MYH11: variants seen among roughly 807,000 people sequenced by gnomAD.
The protein encoded by MYH11 is myosin heavy chain 11.
In MYH11, 80 loss-of-function variants were observed where a neutral mutation model predicts 246.6. The ratio of observed to expected loss-of-function variants is 0.32; its 90% CI spans 0.27 to 0.39. The LOEUF (loss-of-function observed/expected upper bound fraction) is 0.39. Among genes scored for constraint, MYH11 ranks in the 10% least tolerant of loss-of-function variants. The pLI, the probability that MYH11 is intolerant of heterozygous loss-of-function variation, is 1.00. For synonymous variants in MYH11, 1,071 were observed against 1,015.5 expected (o/e 1.05, Z -1.04); for missense variants, 2,158 against 2,546.8 (o/e 0.85, Z 3.29).
intron 4 of MYH11, among the ~76,000 whole-genome samples, chr16:15,797,932 G>T (rs529332332): frequency 4.5e-4 from 69 of 151,966 alleles, no homozygotes; most frequent in African/African-American, 1.6e-3. Flanking sequence ...GCTCCCTTCG[G>T]CAGCACACAT....
rs376565831 is a variant in MYH11, at chr16:15,720,144, C to A, written c.4953+7G>T. 13 of 1,614,122 alleles carry A rather than the reference C, an allele frequency of 8.1e-6. No individual in the cohort carries two copies. Among genetic ancestry groups the A allele is most frequent in the Non-Finnish European group, 8.5e-6 (10 of 1,180,022 alleles). ...CACCCATGCCCCAAGCTCCTAGTGT[C>A]ACCCACCTGCAGTTTGCGTAGCTGC... On this transcript the variant is annotated splice_region_variant and intron_variant, in intron 34 of 40. Transcript: ENST00000300036.
intron 3 of MYH11, among the ~76,000 whole-genome samples, chr16:15,816,465 G>A (rs2043265825): frequency 6.6e-6 from 1 of 152,060 alleles, no homozygotes; most frequent in Admixed American, 6.6e-5. Flanking sequence ...CATACAGAAA[G>A]AAGAAAAATA....
At chr16:15,823,757 C>A (rs1296806023) in intron 2 of MYH11, among the ~76,000 whole-genome samples, 1 of 152,066 alleles carries the variant, frequency 6.6e-6, no homozygotes, top group East Asian at 1.9e-4. Flanking sequence ...TCCTGAGTAG[C>A]CAGGACTACA....
chr16:15,852,940 A>C (rs1047568124), intron 1 of MYH11, among the ~76,000 whole-genome samples: 1 of 152,154 alleles, frequency 6.6e-6, no homozygotes, highest in African/African-American at 2.4e-5. Flanking sequence ...ACACATCTGA[A>C]TATGTCAGCC....
intron 1 of MYH11, among the ~76,000 whole-genome samples, chr16:15,839,693 C>A (rs34518997): frequency 0.043 from 6,232 of 143,326 alleles, 148 homozygotes; most frequent in African/African-American, 0.066. Context: ...GACTCTGTCT[C>A]GAAAAAAAAA....
rs963160081 is a variant in MYH11, at chr16:15,816,527, T to C, written c.502+6728A>G. 8.5e-5 allele frequency among the ~76,000 whole-genome samples: 13 copies of C among 152,252 alleles called. 1 individual carries two copies. The East Asian group carries it at 1.2e-3, about 14-fold the overall frequency. On this transcript the variant is annotated intron_variant, in intron 3 of 40. Transcript: ENST00000300036. ...TTGAATAACATCTACATAATCATAA[T>C]AATGTAAACTCTAGATAGCATTACA...
At chr16:15,774,331 T>C (rs1478946323) in intron 8 of MYH11, among the ~76,000 whole-genome samples, 2 of 152,240 alleles carry the variant, frequency 1.3e-5, no homozygotes, top group African/African-American at 4.8e-5. Flanking sequence ...CTGAGCCCTA[T>C]ACTTGCCCAT....
At chr16:15,716,463 G>A (rs953276800) in intron 38 of MYH11, among the ~76,000 whole-genome samples, 1 of 152,146 alleles carries the variant, frequency 6.6e-6, no homozygotes. Flanking sequence ...AATTAAGAAG[G>A]CTTCCAGTGT....
At chr16:15,837,817 G>T in intron 2 of MYH11, 91 bp downstream of exon 2, 1 of 1,213,432 alleles carries the variant, frequency 8.2e-7, no homozygotes, top group Non-Finnish European at 1.2e-6. Flanking sequence ...GTACAGGCAT[G>T]AGCCACTGTG....
At chr16:15,767,284 C>G (rs2042005074) in intron 9 of MYH11, among the ~76,000 whole-genome samples, 1 of 152,070 alleles carries the variant, frequency 6.6e-6, no homozygotes, top group South Asian at 2.1e-4. Context: ...TCCCATGAGC[C>G]TCAGTTTCCC....
chr16:15,763,741 T>TGGGGCCCC, intron 10 of MYH11, 55 bp downstream of exon 10: 7 of 646,786 alleles, frequency 1.1e-5, no homozygotes, highest in Admixed American at 4.2e-5. Flanking sequence ...AAATGTCACC[T>TGGGGCCCC]CCCCCACCCC....
At chr16:15,847,410 C>T (rs551862270) in intron 1 of MYH11, among the ~76,000 whole-genome samples, 35 of 152,112 alleles carry the variant, frequency 2.3e-4, no homozygotes, top group African/African-American at 8.0e-4. Context: ...GCCACCATGC[C>T]CAGCTATTTT....
chr16:15,711,668 C>T (rs2039802622), intron 40 of MYH11, among the ~76,000 whole-genome samples: 1 of 152,082 alleles, frequency 6.6e-6, no homozygotes, highest in South Asian at 2.1e-4. Context: ...GATAAAGGTT[C>T]ACTCTGCCTG....
chr16:15,843,856 T>C (rs1458345333), intron 1 of MYH11, among the ~76,000 whole-genome samples: 1 of 152,068 alleles, frequency 6.6e-6, no homozygotes, highest in Non-Finnish European at 1.5e-5. Flanking sequence ...AGAATATGCA[T>C]TCCTAACCAG....
At chr16:15,769,974 T>C (rs543335771) in intron 9 of MYH11, among the ~76,000 whole-genome samples, 40 of 152,320 alleles carry the variant, frequency 2.6e-4, no homozygotes, top group African/African-American at 7.2e-4. Flanking sequence ...TCCAGTTTTT[T>C]ATTATTTAAA....
chr16:15,713,387 A>T (rs1286189139), intron 40 of MYH11: 1 of 152,158 alleles, frequency 6.6e-6, no homozygotes, highest in Non-Finnish European at 1.5e-5. Context: ...AATGGGGAGG[A>T]GCGATCATAA....
intron 40 of MYH11, among the ~76,000 whole-genome samples, chr16:15,710,673 G>A (rs2039731430): frequency 6.6e-6 from 1 of 151,858 alleles, no homozygotes; most frequent in Non-Finnish European, 1.5e-5. Flanking sequence ...GCACATCTGA[G>A]GGTTTTTGTT....
chr16:15,748,296 G>A lies in MYH11; in HGVS notation c.2059-128C>T, dbSNP rs1024198669. 24 of 1,499,638 alleles carry A rather than the reference G, an allele frequency of 1.6e-5. No individual in the cohort carries two copies. In the African/African-American group the frequency reaches 3.2e-4, roughly 20 times the overall value. The allele number at this position is 1,499,638 out of a possible 1,614,324, so 92.9% of individuals were successfully genotyped here. On this transcript the variant is annotated intron_variant, in intron 16 of 40. Transcript: ENST00000300036. ...GGTACCAACAGAAGCACCCAAGGAGGGCTTAGCTGAGGGCCGAGGGGCAAA... is the reference window on the plus strand; with the variant it reads ...GGTACCAACAGAAGCACCCAAGGAGAGCTTAGCTGAGGGCCGAGGGGCAAA...
intron 2 of MYH11, among the ~76,000 whole-genome samples, chr16:15,837,000 C>T (rs1343631405): frequency 1.3e-5 from 2 of 152,332 alleles, no homozygotes; most frequent in African/African-American, 2.4e-5. Flanking sequence ...GCTGGGATTA[C>T]AGGCATGAGT....
Sources: gnomAD v4.1 joint callset for allele counts (sites outside exome capture counted in the v4.1 genomes callset) on GRCh38, gnomAD v4.1.1 for gene constraint, MANE v1.5 for transcripts, NCBI Gene and HGNC (gene_info 2026-07-23, HGNC 2026-07-21) for gene names.